DQX1: variants seen among roughly 807,000 people sequenced by gnomAD.
DQX1 encodes the protein DEAQ-box RNA dependent ATPase 1.
DQX1 carries 66 observed loss-of-function variants against 81.3 expected under a neutral mutation model. The ratio of observed to expected loss-of-function variants is 0.81; its 90% CI spans 0.67 to 1.00. DQX1 has a LOEUF of 1.00. DQX1 is among the 50% of genes least tolerant of loss of function. The pLI is 0.00. For synonymous variants in DQX1, 290 were observed against 350.0 expected (o/e 0.83, Z 1.91); for missense variants, 798 against 867.9 (o/e 0.92, Z 1.01).
In DQX1 at chr2:74,523,200, G is replaced by C. The variant is rs769646302; in HGVS notation, c.1063C>G (p.Arg355Gly). ...ELRSVYNPRI[R>G]AEFQVLRPIS... ...GGCCTCAACACTTGGAATTCTGCTC[G>C]GATCCTAGGATTGTAAACCTGTTGC... is the stretch of plus-strand genomic sequence containing the variant. Residue 355 changes from arginine to glycine, a missense_variant, in exon 6 of 12, where the codon CGA becomes GGA. By Grantham distance (125) the Arg-to-Gly change is moderately radical. Transcript: ENST00000404568. 6.2e-7 allele frequency: 1 copy of C among 1,614,106 alleles called. No individual in the cohort carries two copies. The highest frequency in any genetic ancestry group is 2.2e-5 in the East Asian group (1 of 44,884).
At chr2:74,524,881 TC>T in intron 3 of DQX1, 127 bp downstream of exon 3, 1 of 1,248,380 alleles carries the variant, frequency 8.0e-7, no homozygotes. Flanking sequence ...AGACCCTTTC[TC>T]CAAAATAAAT....
In DQX1 at chr2:74,523,427, C is replaced by A; in HGVS notation, c.927G>T (p.Gln309His). ...GGGCATCCATGTCCTCATACACAGC[C>A]TGAACGGCTCGTCCACAGTCTGGGT... Reference protein sequence around the residue: ...PLHPDCGRAVQAVYEDMDARK... With the variant: ...PLHPDCGRAVHAVYEDMDARK... The change falls in exon 5 of 12, where the codon CAG (glutamine) becomes CAT (histidine). Residue 309 changes from glutamine to histidine, a missense_variant. Coordinates refer to ENST00000404568, the MANE Select transcript of DQX1 (RefSeq NM_133637.3). 6.2e-7 allele frequency: 1 copy of A among 1,614,146 alleles called. No homozygotes were observed. The highest frequency in any genetic ancestry group is 8.5e-7 in the Non-Finnish European group (1 of 1,180,026).
In DQX1 at chr2:74,518,603, C is replaced by T. The variant is rs1231907516; in HGVS notation, c.1998-1G>A. The T allele has an allele frequency of 6.2e-7, 1 of 1,613,790 alleles. No homozygotes were observed. The highest frequency in any genetic ancestry group is 8.5e-7 in the Non-Finnish European group (1 of 1,179,846). On this transcript the variant is annotated splice_acceptor_variant, in intron 11 of 11. Coordinates refer to ENST00000404568, the MANE Select transcript of DQX1 (RefSeq NM_133637.3). LOFTEE classifies it high-confidence loss of function. ...GTATGGAGGGGCCAATTCCACCAGC[C>T]TAATAGAGAGAGTCATAATTAGATG...
At chr2:74,524,833 T>G (rs945371655) in intron 3 of DQX1, among the ~76,000 whole-genome samples, 176 bp downstream of exon 3, 4 of 152,070 alleles carry the variant, frequency 2.6e-5, no homozygotes, top group African/African-American at 9.7e-5. Context: ...CAGTGAGTTG[T>G]GATTGCACCA....
rs752442851 is a variant in DQX1, at chr2:74,525,420, T to TTCCCTTTGTCC, written c.237+62_237+72dup. On this transcript the variant is annotated intron_variant, in intron 2 of 11. Transcript: ENST00000404568. The surrounding 1 kb of genome is among the most constrained non-coding windows in gnomAD (Gnocchi z 4.1). Reference sequence around the variant, plus strand: ...CCCCCTTGCCCAGGGAAAGGCCACTTTCCCTTTGTCCTCCCTTTGTCCTCC... The same window carrying TTCCCTTTGTCC: ...CCCCCTTGCCCAGGGAAAGGCCACTTTCCCTTTGTCCTCCCTTTGTCCTCCCTTTGTCCTCC... 1.9e-5 allele frequency: 28 copies of TTCCCTTTGTCC among 1,474,188 alleles called. No homozygotes were observed. Among genetic ancestry groups the TTCCCTTTGTCC allele is most frequent in the South Asian group, 1.0e-4 (8 of 78,924 alleles). The allele number at this position is 1,474,188 out of a possible 1,614,324, so 91.3% of individuals were successfully genotyped here.
At position 74,524,061 on chromosome 2, in the gene DQX1, T is replaced by G; in HGVS notation, c.678A>C (p.Arg226Ser). ...TGGGGGAAGGTCTCTCACCAGGCTC[T>G]CTGGGTATATGCACAATAGGAGGAT... ...WGNPPIVHIP[R>S]EPGERPSPIY... The change falls in exon 4 of 12, where the codon AGA becomes AGC. Residue 226 changes from arginine to serine, a missense_variant. Physicochemically the swap from Arg to Ser is moderately radical, Grantham distance 110. Coordinates refer to ENST00000404568, the MANE Select transcript of DQX1 (RefSeq NM_133637.3). 1.2e-6 allele frequency: 2 copies of G among 1,614,178 alleles called. No individual in the cohort carries two copies. Among genetic ancestry groups the G allele is most frequent in the Non-Finnish European group, 1.7e-6 (2 of 1,180,026 alleles).
At chr2:74,524,756 G>C (rs1675127739) in intron 3 of DQX1, among the ~76,000 whole-genome samples, 2 of 152,066 alleles carry the variant, frequency 1.3e-5, no homozygotes, top group South Asian at 4.2e-4. Context: ...GGAGGTGCGC[G>C]CCTGTATTCC....
Position 74,523,412 on chromosome 2 carries a change from G to A in DQX1, c.942C>T (p.Asp314=). 1.2e-6 allele frequency: 2 copies of A among 1,614,192 alleles called. No individual in the cohort carries two copies. Among genetic ancestry groups the A allele is most frequent in the Non-Finnish European group, 1.7e-6 (2 of 1,180,040 alleles). The change falls in exon 5 of 12, where the codon GAC becomes GAT. Residue 314 remains aspartate, a synonymous_variant. Coordinates refer to ENST00000404568, the MANE Select transcript of DQX1 (RefSeq NM_133637.3). ...CGRAVQAVYE[D]MDARKVVVTH... Reference sequence around the variant, plus strand: ...TGACCACAACCTTTCGGGCATCCATGTCCTCATACACAGCCTGAACGGCTC... The same window carrying A: ...TGACCACAACCTTTCGGGCATCCATATCCTCATACACAGCCTGAACGGCTC...
Position 74,523,988 on chromosome 2 carries a change from C to T in DQX1, c.751G>A (p.Ala251Thr), listed in dbSNP as rs775971252. 2 of 1,614,018 alleles carry T rather than the reference C, an allele frequency of 1.2e-6. No individual in the cohort carries two copies. The change falls in exon 4 of 12, where the codon GCA (alanine) becomes ACA (threonine). Residue 251 changes from alanine to threonine, a missense_variant. By Grantham distance (58) the Ala-to-Thr change is moderately conservative (BLOSUM62 0). Coordinates refer to ENST00000404568, the MANE Select transcript of DQX1 (RefSeq NM_133637.3). The part of the protein sequence containing the change: ...PPDRVEAACQ[A>T]VLELCRKELP... The stretch of plus-strand genomic sequence containing the variant: ...TCCTTCCGACACAATTCAAGCACTG[C>T]TTGGCAGGCAGCTTCCACCCGATCA...
rs141208974 is a variant in DQX1 at position 74,521,548 on chromosome 2, G to A, written c.1495+1032C>T. Among the ~76,000 whole-genome samples the A allele has an allele frequency of 4.1e-3, 627 of 152,024 alleles. 4 individuals are homozygous for A. The highest frequency in any genetic ancestry group is 0.015 in the African/African-American group (609 of 41,448). On this transcript the variant is annotated intron_variant, in intron 8 of 11. Coordinates refer to ENST00000404568, the MANE Select transcript of DQX1 (RefSeq NM_133637.3). The stretch of plus-strand genomic sequence containing the variant: ...GCCTGTAGTCCCAGCTACTTGGGAG[G>A]CTGAGGCATGAGAATTGCTTGAACC...
At chr2:74,519,486 G>A (rs1357284107) in intron 10 of DQX1, 70 bp downstream of exon 10, 8 of 1,558,380 alleles carry the variant, frequency 5.1e-6, no homozygotes, top group African/African-American at 1.4e-5. Flanking sequence ...ATTTCAAAGT[G>A]GCTTACCAAT....
chr2:74,525,030 G>A lies in DQX1; in HGVS notation c.410C>T (p.Thr137Met), dbSNP rs778463634. 1.9e-5 allele frequency: 31 copies of A among 1,613,924 alleles called. No individual in the cohort carries two copies. Among genetic ancestry groups the A allele is most frequent in the African/African-American group, 4.0e-5 (3 of 74,922 alleles). Residue 137 changes from threonine to methionine, a missense_variant, in exon 3 of 12, where the codon ACG becomes ATG. Coordinates refer to ENST00000404568, the MANE Select transcript of DQX1 (RefSeq NM_133637.3). The surrounding 1 kb of genome is among the most constrained non-coding windows in gnomAD (Gnocchi z 4.1). The part of the protein sequence containing the change: ...VGYSIPQEDC[T>M]GPNTLLRFCW... ...CCACCTGAGCAGGGTGTTGGGCCCC[G>A]TGCAGTCCTCCTGGGGGATGCTGTA...
chr2:74,519,691 G>A lies in DQX1; in HGVS notation c.1671C>T (p.Cys557=), dbSNP rs145654502. Residue 557 remains cysteine, a synonymous_variant, in exon 10 of 12, where the codon TGC becomes TGT. Transcript: ENST00000404568. ...QARGLNWAAL[C]QAHKLRGELL... Reference sequence around the variant, plus strand: ...GTTCTCCCCGAAGTTTATGGGCTTGGCACAATGCTGCCCAATTCAGACCTC... The same window carrying A: ...GTTCTCCCCGAAGTTTATGGGCTTGACACAATGCTGCCCAATTCAGACCTC... 1.9e-6 allele frequency: 3 copies of A among 1,614,056 alleles called. No homozygotes were observed. The African/African-American group carries it at 4.0e-5, about 22-fold the overall frequency.
chr2:74,523,610 T>A, intron 4 of DQX1, 73 bp from the exon 5 acceptor site: 1 of 1,414,178 alleles, frequency 7.1e-7, no homozygotes, highest in Non-Finnish European at 9.8e-7. Flanking sequence ...TTTGAAAGAC[T>A]GTTGAAAGTT....
chr2:74,523,196 G>C lies in DQX1; in HGVS notation c.1067C>G (p.Ala356Gly). 6.2e-7 allele frequency: 1 copy of C among 1,614,148 alleles called. No individual in the cohort carries two copies. Among genetic ancestry groups the C allele is most frequent in the Non-Finnish European group, 8.5e-7 (1 of 1,180,030 alleles). ...GATTGGCCTCAACACTTGGAATTCTGCTCGGATCCTAGGATTGTAAACCTG... is the reference window on the plus strand; with the variant it reads ...GATTGGCCTCAACACTTGGAATTCTCCTCGGATCCTAGGATTGTAAACCTG... ...LRSVYNPRIR[A>G]EFQVLRPISK... Residue 356 changes from alanine (A) to glycine (G), a missense_variant, in exon 6 of 12, where the codon GCA becomes GGA. Ala to Gly is a moderately conservative substitution (Grantham distance 60). Transcript: ENST00000404568.
In DQX1 at chr2:74,518,520, CT is replaced by C. The variant is rs1558600260; in HGVS notation, c.2079del (p.Gly694GlufsTer73). On this transcript the variant is annotated frameshift_variant, in exon 12 of 12. Coordinates refer to ENST00000404568, the MANE Select transcript of DQX1 (RefSeq NM_133637.3). LOFTEE classifies it high-confidence loss of function. ...ESRDLLNQLR[E>X]GMADSTAGSK... ...CTCCCTGCTGTAGAATCTGCCATTC[CT>C]TCCCTTAGCTGGTTCAGAAGGTCTC... is the stretch of plus-strand genomic sequence containing the variant. 6.2e-7 allele frequency: 1 copy of C among 1,614,208 alleles called. No individual in the cohort carries two copies. The highest frequency in any genetic ancestry group is 8.5e-7 in the Non-Finnish European group (1 of 1,180,038).
At chr2:74,520,684 G>T (rs1675000927) in intron 8 of DQX1, among the ~76,000 whole-genome samples, 1 of 151,718 alleles carries the variant, frequency 6.6e-6, no homozygotes, top group Admixed American at 6.6e-5. Context: ...GTTGTTGTTT[G>T]TTTATTTGAG....
intron 8 of DQX1, among the ~76,000 whole-genome samples, chr2:74,520,702 C>T (rs947321058): frequency 2.6e-5 from 4 of 152,052 alleles, no homozygotes; most frequent in Admixed American, 1.3e-4. Flanking sequence ...GAGACAGGGT[C>T]TCACTCTCTT....
chr2:74,520,989 G>T (rs1440346977), intron 8 of DQX1, among the ~76,000 whole-genome samples: 1 of 152,126 alleles, frequency 6.6e-6, no homozygotes, highest in African/African-American at 2.4e-5. Flanking sequence ...GAGTTTTTAA[G>T]TAAGAGAGTC....
Sources: allele counts gnomAD v4.1 joint callset (sites outside exome capture counted in the v4.1 genomes callset), GRCh38; gene constraint gnomAD v4.1.1; non-coding constraint Gnocchi (gnomAD v3.1); transcripts MANE v1.5; gene names NCBI Gene and HGNC (gene_info 2026-07-23, HGNC 2026-07-21).